COL12A1: variants seen among roughly 807,000 people sequenced by gnomAD.
The protein encoded by COL12A1 is collagen type XII alpha 1 chain.
COL12A1 carries 114 observed loss-of-function variants against 349.7 expected under a neutral mutation model. That is an observed-to-expected ratio of 0.33 (90% CI 0.28 to 0.38). The LOEUF is 0.38. Ranked by LOEUF, COL12A1 falls within the 10% of genes least tolerant of loss-of-function variation. The probability of loss-of-function intolerance (pLI) is 1.00; values close to 1 mark genes in which losing one functional copy is unlikely to be tolerated. For synonymous variants in COL12A1, 1,369 were observed against 1,329.0 expected (o/e 1.03, Z -0.66); for missense variants, 3,284 against 3,756.9 (o/e 0.87, Z 3.29).
At chr6:75,193,230 G>A (rs1770037088) in intron 3 of COL12A1, among the ~76,000 whole-genome samples, 1 of 152,084 alleles carries the variant, frequency 6.6e-6, no homozygotes, top group African/African-American at 2.4e-5. Context: ...AGTGTTAGGT[G>A]TCAGTTATTC....
chr6:75,198,117 A>T (rs1332341217), intron 2 of COL12A1, among the ~76,000 whole-genome samples: 1 of 152,244 alleles, frequency 6.6e-6, no homozygotes, highest in East Asian at 1.9e-4. Context: ...CAAAACATAC[A>T]GTTTTCTACT....
In COL12A1 at chr6:75,137,548, C is replaced by T; in HGVS notation, c.5283G>A (p.Val1761=). The part of the protein sequence containing the change: ...APKSGPRNLQ[V]YNATSNSLTV... ...TCAGGCTGTTAGATGTTGCATTGTA[C>T]ACTTGAAGGTTTCGTGGGCCACTTT... Residue 1761 remains valine (V), a synonymous_variant, in exon 31 of 66, where the codon GTG becomes GTA. Transcript: ENST00000322507. 4.3e-6 allele frequency: 7 copies of T among 1,613,808 alleles called. No individual in the cohort carries two copies. Among genetic ancestry groups the T allele is most frequent in the Non-Finnish European group, 5.9e-6 (7 of 1,179,856 alleles).
chr6:75,202,010 C>T (rs1770553723), intron 2 of COL12A1, among the ~76,000 whole-genome samples: 1 of 152,200 alleles, frequency 6.6e-6, no homozygotes. Flanking sequence ...CGCTTGCTTC[C>T]CAGGCTGGAA....
chr6:75,095,786 T>A (rs1471448646), intron 59 of COL12A1, among the ~76,000 whole-genome samples: 1 of 152,230 alleles, frequency 6.6e-6, no homozygotes, highest in Non-Finnish European at 1.5e-5. Context: ...AAGACTATGA[T>A]CCTAGTAAAT....
Position 75,175,165 on chromosome 6 carries a change from C to T in COL12A1, c.2583G>A (p.Val861=), listed in dbSNP as rs1310593223. 5 of 1,614,074 alleles carry T rather than the reference C, an allele frequency of 3.1e-6. No homozygotes were observed. The African/African-American group carries it at 4.0e-5, about 13-fold the overall frequency. Residue 861 remains valine, a synonymous_variant, in exon 13 of 66, where the codon GTG becomes GTA. Transcript: ENST00000322507. The stretch of plus-strand genomic sequence containing the variant: ...GCACCGTATTGGTTGTATCTCCCCT[C>T]ACAGTGACCTCTTGAGTTTCACCCC... The part of the protein sequence containing the change: ...VAGGETQEVT[V]RGDTTNTVLQ...
chr6:75,165,072 C>T (rs573726811), intron 14 of COL12A1, among the ~76,000 whole-genome samples: 9 of 152,164 alleles, frequency 5.9e-5, no homozygotes, highest in Admixed American at 1.3e-4. Flanking sequence ...TTGTATATTG[C>T]TATTTTATAC....
At chr6:75,169,626 T>G (rs1392795839) in intron 13 of COL12A1, among the ~76,000 whole-genome samples, 1 of 152,176 alleles carries the variant, frequency 6.6e-6, no homozygotes, top group Non-Finnish European at 1.5e-5. Context: ...TAATGTTTAG[T>G]CTCATAGTAC....
Position 75,137,534 on chromosome 6 carries a change from G to C in COL12A1, c.5297C>G (p.Ser1766Cys), listed in dbSNP as rs1486429266. The C allele has an allele frequency of 6.2e-7, 1 of 1,613,886 alleles. No individual in the cohort carries two copies. Residue 1766 changes from serine to cysteine, a missense_variant, in exon 31 of 66, where the codon TCT becomes TGT. This residue lies in a region of COL12A1 where 2,601 missense variants were observed against 2,824.8 expected (regional missense o/e 0.92). Coordinates refer to ENST00000322507, the MANE Select transcript of COL12A1 (RefSeq NM_004370.6). ...PRNLQVYNAT[S>C]NSLTVKWDPA... ...ATCCCACTTAACAGTCAGGCTGTTA[G>C]ATGTTGCATTGTACACTTGAAGGTT... is the stretch of plus-strand genomic sequence containing the variant.
chr6:75,098,240 A>C (rs1485169691), intron 58 of COL12A1, among the ~76,000 whole-genome samples: 1 of 152,216 alleles, frequency 6.6e-6, no homozygotes, highest in African/African-American at 2.4e-5. Context: ...GTCTATATGG[A>C]AAATCCTGAC....
chr6:75,190,341 T>C (rs1303971859), intron 5 of COL12A1, among the ~76,000 whole-genome samples: 1 of 151,960 alleles, frequency 6.6e-6, no homozygotes, highest in South Asian at 2.1e-4. Flanking sequence ...CACTTTTCAA[T>C]ATAATTGTCT....
intron 13 of COL12A1, among the ~76,000 whole-genome samples, chr6:75,169,102 C>T (rs749954927): frequency 2.6e-5 from 4 of 152,166 alleles, no homozygotes; most frequent in Admixed American, 2.0e-4. Context: ...TCTGAACACA[C>T]GCATGCCTCT....
chr6:75,200,933 C>T (rs945367462), intron 2 of COL12A1, among the ~76,000 whole-genome samples: 4 of 145,684 alleles, frequency 2.7e-5, no homozygotes, highest in Non-Finnish European at 6.0e-5. Context: ...AGAAAAGACA[C>T]AGATTAAGAA....
At position 75,084,674 on chromosome 6, in the gene COL12A1, A is replaced by T. The variant is rs556089354; in HGVS notation, c.*1873T>A. 6 of 154,424 alleles carry T rather than the reference A, an allele frequency of 3.9e-5. No homozygotes were observed. Among genetic ancestry groups the T allele is most frequent in the African/African-American group, 1.4e-4 (6 of 41,586 alleles). The allele number at this position is 154,424 out of a possible 1,614,324, so 9.6% of individuals were successfully genotyped here. A position where few individuals can be genotyped will look rare whatever the true frequency, so the allele number is the denominator to read the frequency against. On this transcript the variant is annotated 3_prime_UTR_variant, in exon 66 of 66. Coordinates refer to ENST00000322507, the MANE Select transcript of COL12A1 (RefSeq NM_004370.6). ...CTTAAGGTTTGTGGTTGTTAAAGAG[A>T]TGTATACGAGCATTCTATGCCCCGG...
chr6:75,106,098 C>T (rs1481198884), intron 53 of COL12A1, among the ~76,000 whole-genome samples: 2 of 152,168 alleles, frequency 1.3e-5, no homozygotes, highest in Non-Finnish European at 2.9e-5. Context: ...CAGAAAGGTG[C>T]TGGCTTGTTT....
intron 23 of COL12A1, 82 bp downstream of exon 23, chr6:75,147,593 T>C (rs1202301237): frequency 7.7e-6 from 10 of 1,297,382 alleles, no homozygotes; most frequent in African/African-American, 1.5e-5. Context: ...AAAGAAATTA[T>C]TTGGAAGGTA....
At chr6:75,126,006 G>T (rs979431459) in intron 39 of COL12A1, among the ~76,000 whole-genome samples, 2 of 152,040 alleles carry the variant, frequency 1.3e-5, no homozygotes, top group African/African-American at 4.8e-5. Context: ...AATAATACCT[G>T]GGCATAGTGG....
At chr6:75,126,271 G>A (rs1766009039) in intron 39 of COL12A1, 80 bp downstream of exon 39, 1 of 1,488,930 alleles carries the variant, frequency 6.7e-7, no homozygotes, top group Admixed American at 1.8e-5. Flanking sequence ...GAACCCAACA[G>A]TGGGGGATGA....
chr6:75,202,847 C>G lies in COL12A1; in HGVS notation c.-35-20G>C, dbSNP rs755987177. On this transcript the variant is annotated intron_variant, in intron 1 of 65. Transcript: ENST00000322507. The stretch of plus-strand genomic sequence containing the variant: ...AGAGATCTGCGGGAGGAAGTAGTGA[C>G]TGCATCAGAACTGGGTCTGGGCAGG... 32 of 1,508,664 alleles carry G rather than the reference C, an allele frequency of 2.1e-5. No individual in the cohort carries two copies. Among genetic ancestry groups the G allele is most frequent in the Non-Finnish European group, 2.8e-5 (31 of 1,108,146 alleles). The allele number at this position is 1,508,664 out of a possible 1,614,324, so 93.5% of individuals were successfully genotyped here.
chr6:75,150,488 T>C (rs913951642), intron 21 of COL12A1, among the ~76,000 whole-genome samples: 2 of 152,178 alleles, frequency 1.3e-5, no homozygotes, highest in African/African-American at 2.4e-5. Context: ...TCTAAATGTC[T>C]AAACTGTAAA....
Sources: allele counts gnomAD v4.1 joint callset (sites outside exome capture counted in the v4.1 genomes callset), GRCh38; gene constraint gnomAD v4.1.1; regional missense constraint gnomAD v4.1.1; transcripts MANE v1.5; gene names NCBI Gene and HGNC (gene_info 2026-07-23, HGNC 2026-07-21).